The following KCNIP4 variants were observed in gnomAD, a reference collection of about 807,000 sequenced individuals.
KCNIP4 encodes potassium voltage-gated channel interacting protein 4, also known as Kv channel-interacting protein 4.
Under a neutral mutation model 34.0 loss-of-function variants are expected in KCNIP4, and 12 were observed. The ratio of observed to expected loss-of-function variants is 0.35; its 90% CI spans 0.23 to 0.57. The LOEUF is 0.57. Ranked by LOEUF, KCNIP4 falls within the 20% of genes least tolerant of loss-of-function variation. The pLI, the probability that KCNIP4 is intolerant of heterozygous loss-of-function variation, is 0.83. For missense variants in KCNIP4, 238 were observed against 311.7 expected (o/e 0.76, Z 1.78); for synonymous variants, 124 against 102.2 (o/e 1.21, Z -1.29).
At chr4:20,864,859 G>C in intron 2 of KCNIP4, among the ~76,000 whole-genome samples, 1 of 152,084 alleles carries the variant, frequency 6.6e-6, no homozygotes. Flanking sequence ...TCCTACTGCA[G>C]CACTTTGTCA....
At chr4:21,273,205 C>T (rs1214935407) in intron 1 of KCNIP4, among the ~76,000 whole-genome samples, 1 of 152,126 alleles carries the variant, frequency 6.6e-6, no homozygotes, top group Non-Finnish European at 1.5e-5. Context: ...CTTGACTTAA[C>T]ACAATTCCTG....
chr4:21,199,339 T>C (rs1017561415), intron 1 of KCNIP4, among the ~76,000 whole-genome samples: 19 of 152,376 alleles, frequency 1.2e-4, no homozygotes, highest in African/African-American at 4.6e-4. Flanking sequence ...ATGAGCATTT[T>C]TTCATGTGTC....
intron 1 of KCNIP4, among the ~76,000 whole-genome samples, chr4:21,157,552 T>C (rs1284472275): frequency 1.3e-5 from 2 of 151,920 alleles, no homozygotes; most frequent in Admixed American, 6.6e-5. Flanking sequence ...CTGGAATGAA[T>C]GAGATGAGCC....
intron 1 of KCNIP4, among the ~76,000 whole-genome samples, chr4:21,655,755 G>A (rs1413628389): frequency 6.6e-6 from 1 of 152,146 alleles, no homozygotes; most frequent in Non-Finnish European, 1.5e-5. Context: ...TTAATTGAAT[G>A]AGCATATAAC....
intron 1 of KCNIP4, among the ~76,000 whole-genome samples, chr4:21,648,739 T>C (rs1175325168): frequency 6.6e-6 from 1 of 152,186 alleles, no homozygotes; most frequent in Non-Finnish European, 1.5e-5. Context: ...TTGGCCTAAC[T>C]CTGAAGTGGC....
chr4:21,389,189 C>T (rs1722309637), intron 1 of KCNIP4, among the ~76,000 whole-genome samples: 1 of 151,962 alleles, frequency 6.6e-6, no homozygotes, highest in African/African-American at 2.4e-5. Flanking sequence ...CCGTGTTGCC[C>T]AGGCAGTTCT....
intron 1 of KCNIP4, among the ~76,000 whole-genome samples, chr4:21,915,684 A>G (rs1263864822): frequency 6.6e-6 from 1 of 152,240 alleles, no homozygotes; most frequent in Non-Finnish European, 1.5e-5. Flanking sequence ...CCTATTACAT[A>G]GTATGTGCCA....
chr4:20,809,523 C>T (rs10452115), intron 3 of KCNIP4, among the ~76,000 whole-genome samples: 4 of 152,200 alleles, frequency 2.6e-5, no homozygotes, highest in African/African-American at 9.6e-5. Flanking sequence ...TAGGCTATTT[C>T]TTTCTGTGTG....
chr4:21,188,960 T>A (rs1755441794), intron 1 of KCNIP4, among the ~76,000 whole-genome samples: 1 of 152,064 alleles, frequency 6.6e-6, no homozygotes, highest in Non-Finnish European at 1.5e-5. Context: ...AGCTGTAGAG[T>A]TAGAAAGTCC....
At chr4:21,375,415 G>A (rs115713446) in intron 1 of KCNIP4, among the ~76,000 whole-genome samples, 2,103 of 152,212 alleles carry the variant, frequency 0.014, 51 homozygotes, top group African/African-American at 0.048. Context: ...TTCTTCATCT[G>A]TAAACTGAGG....
chr4:20,833,193 T>A (rs1718635109), intron 3 of KCNIP4, among the ~76,000 whole-genome samples: 1 of 152,268 alleles, frequency 6.6e-6, no homozygotes, highest in Non-Finnish European at 1.5e-5. Flanking sequence ...GCGGTGCACA[T>A]TAGACATCAA....
intron 3 of KCNIP4, among the ~76,000 whole-genome samples, chr4:20,830,147 G>A (rs1043472193): frequency 6.6e-6 from 1 of 152,166 alleles, no homozygotes; most frequent in Non-Finnish European, 1.5e-5. Flanking sequence ...ATGACATCAT[G>A]GCATCCTCAT....
intron 1 of KCNIP4, among the ~76,000 whole-genome samples, chr4:21,389,626 T>G (rs917093669): frequency 6.6e-6 from 1 of 151,956 alleles, no homozygotes; most frequent in Non-Finnish European, 1.5e-5. Flanking sequence ...ACAAAGGCCA[T>G]GAACTCATCC....
At chr4:21,483,148 G>A (rs954326345) in intron 1 of KCNIP4, among the ~76,000 whole-genome samples, 12 of 151,212 alleles carry the variant, frequency 7.9e-5, no homozygotes, top group African/African-American at 2.9e-4. Context: ...AATGGGTGCA[G>A]CACACCAACA....
chr4:20,984,603 G>A (rs1051513479), intron 1 of KCNIP4, among the ~76,000 whole-genome samples: 1 of 152,164 alleles, frequency 6.6e-6, no homozygotes, highest in African/African-American at 2.4e-5. Flanking sequence ...TTTGTCAAAC[G>A]AGAACACCTG....
intron 1 of KCNIP4, among the ~76,000 whole-genome samples, chr4:21,185,925 C>T (rs931810830): frequency 1.6e-4 from 25 of 152,168 alleles, no homozygotes; most frequent in East Asian, 1.9e-4. Flanking sequence ...TTATTTCTGA[C>T]CCCTTAACTA....
intron 1 of KCNIP4, among the ~76,000 whole-genome samples, chr4:21,078,121 GT>G (rs1158927980): frequency 6.6e-6 from 1 of 152,008 alleles, no homozygotes; most frequent in Non-Finnish European, 1.5e-5. Flanking sequence ...AGGAATTTGA[GT>G]AAAATGATGA....
At chr4:21,907,999 G>C (rs1324445703) in intron 1 of KCNIP4, among the ~76,000 whole-genome samples, 3 of 152,024 alleles carry the variant, frequency 2.0e-5, no homozygotes, top group Admixed American at 2.0e-4. Context: ...TTTAACTCTT[G>C]TGCAAACTTT....
intron 1 of KCNIP4, among the ~76,000 whole-genome samples, chr4:21,508,178 A>G (rs1734009936): frequency 6.6e-6 from 1 of 152,190 alleles, no homozygotes; most frequent in Non-Finnish European, 1.5e-5. Flanking sequence ...TCACTTAAGG[A>G]TGCAACTCTC....
Sources: gnomAD v4.1 joint callset for allele counts (sites outside exome capture counted in the v4.1 genomes callset) on GRCh38, gnomAD v4.1.1 for gene constraint, MANE v1.5 for transcripts, NCBI Gene and HGNC (gene_info 2026-07-23, HGNC 2026-07-21) for gene names.